SYTL3: variants seen among roughly 807,000 people sequenced by gnomAD.
SYTL3 encodes the protein synaptotagmin like 3.
A neutral mutation model predicts 82.1 loss-of-function variants in SYTL3; 88 were observed. The ratio of observed to expected loss-of-function variants is 1.07; its 90% CI spans 0.90 to 1.28. The LOEUF (loss-of-function observed/expected upper bound fraction) is 1.28, where lower values mean the gene tolerates loss of function less well. Among genes scored for constraint, SYTL3 ranks in the 50% most tolerant of loss-of-function variants. The pLI, the probability that SYTL3 is intolerant of heterozygous loss-of-function variation, is 0.00. For synonymous variants in SYTL3, 311 were observed against 289.4 expected (o/e 1.07, Z -0.76); for missense variants, 831 against 757.6 (o/e 1.10, Z -1.14).
At chr6:158,753,395 T>G (rs1788644099) in intron 13 of SYTL3, among the ~76,000 whole-genome samples, 3 of 151,988 alleles carry the variant, frequency 2.0e-5, no homozygotes, top group Admixed American at 1.3e-4. Flanking sequence ...ATTTCTTATT[T>G]TCTAAGATGC....
intron 15 of SYTL3, among the ~76,000 whole-genome samples, chr6:158,761,861 C>T (rs559616017): frequency 1.2e-4 from 19 of 152,316 alleles, no homozygotes; most frequent in African/African-American, 4.6e-4. Flanking sequence ...TCCCTCCATC[C>T]TGTCCTCCAC....
chr6:158,760,120 A>T (rs187901232), intron 14 of SYTL3, among the ~76,000 whole-genome samples: 27 of 152,122 alleles, frequency 1.8e-4, no homozygotes, highest in South Asian at 1.7e-3. Flanking sequence ...CACTCATGAC[A>T]GAAGTGCCTC....
chr6:158,728,858 T>C (rs9457455), intron 11 of SYTL3, among the ~76,000 whole-genome samples: 100,331 of 151,994 alleles, frequency 0.66, 35,059 homozygotes, highest in African/African-American at 0.88. Flanking sequence ...CTCGTCTCTA[T>C]TAAAAAAATA....
intron 6 of SYTL3, among the ~76,000 whole-genome samples, chr6:158,701,159 G>C (rs1781179695): frequency 6.7e-6 from 1 of 149,534 alleles, no homozygotes; most frequent in African/African-American, 2.5e-5. Context: ...AGGTGAGCTG[G>C]GGTGTAGATG....
At chr6:158,677,754 A>G (rs1778229982) in intron 5 of SYTL3, among the ~76,000 whole-genome samples, 1 of 151,336 alleles carries the variant, frequency 6.6e-6, no homozygotes, top group South Asian at 2.1e-4. Flanking sequence ...AAAAAAAATA[A>G]AAATCCAACT....
In SYTL3 at chr6:158,685,298, C is replaced by A. The variant is rs1317506742; in HGVS notation, c.394+2309C>A. 2.0e-5 allele frequency among the ~76,000 whole-genome samples: 3 copies of A among 151,224 alleles called. No homozygotes were observed. The East Asian group carries it at 5.9e-4, about 30-fold the overall frequency. ...GCATGATCTCAGCTCACTGTAAACT[C>A]CTCCTCCTGGGTTCAAGGGATTCTC... On this transcript the variant is annotated intron_variant, in intron 6 of 17. Coordinates refer to ENST00000611299, the MANE Select transcript of SYTL3 (RefSeq NM_001242394.2).
At chr6:158,717,971 C>T (rs539954424) in intron 9 of SYTL3, 116 bp from the exon 10 acceptor site, 41 of 987,166 alleles carry the variant, frequency 4.2e-5, no homozygotes, top group Non-Finnish European at 5.6e-5. Flanking sequence ...TGCACTTTGC[C>T]CTCTTAAGAC....
intron 6 of SYTL3, among the ~76,000 whole-genome samples, chr6:158,688,802 T>C (rs1031706835): frequency 5.3e-5 from 8 of 152,210 alleles, no homozygotes; most frequent in Non-Finnish European, 8.8e-5. Context: ...TACACACATA[T>C]ACATAGACTT....
chr6:158,711,892 CT>C (rs1176013249), intron 8 of SYTL3, among the ~76,000 whole-genome samples: 3 of 152,156 alleles, frequency 2.0e-5, no homozygotes, highest in African/African-American at 7.2e-5. Context: ...TGGATTTTAG[CT>C]GTCTTCTTTA....
At chr6:158,727,011 G>A (rs779482065) in intron 11 of SYTL3, among the ~76,000 whole-genome samples, 6 of 151,630 alleles carry the variant, frequency 4.0e-5, no homozygotes, top group African/African-American at 9.7e-5. Context: ...CACCACACCC[G>A]GCTAATTTTT....
intron 13 of SYTL3, among the ~76,000 whole-genome samples, chr6:158,755,211 C>T (rs887225425): frequency 3.9e-5 from 6 of 152,154 alleles, no homozygotes; most frequent in Non-Finnish European, 8.8e-5. Context: ...GGCATGGCGA[C>T]GCCTACCTGT....
At chr6:158,697,391 G>A (rs568042153) in intron 6 of SYTL3, among the ~76,000 whole-genome samples, 123 of 151,880 alleles carry the variant, frequency 8.1e-4, no homozygotes, top group African/African-American at 2.9e-3. Context: ...AGCCAAGATC[G>A]CGCCACTGCA....
At chr6:158,752,686 G>A (rs1469052818) in intron 13 of SYTL3, among the ~76,000 whole-genome samples, 4 of 152,204 alleles carry the variant, frequency 2.6e-5, no homozygotes, top group Non-Finnish European at 4.4e-5. Flanking sequence ...GCAGGGTGAG[G>A]GGGGTAGCCC....
chr6:158,677,755 A>G (rs1778230508), intron 5 of SYTL3, among the ~76,000 whole-genome samples: 1 of 151,438 alleles, frequency 6.6e-6, no homozygotes, highest in South Asian at 2.1e-4. Flanking sequence ...AAAAAAATAA[A>G]AATCCAACTG....
intron 4 of SYTL3, among the ~76,000 whole-genome samples, chr6:158,664,572 A>G (rs573591047): frequency 9.9e-5 from 15 of 152,258 alleles, no homozygotes; most frequent in Non-Finnish European, 2.2e-4. Context: ...GAAAACAAAA[A>G]CTATAATACA....
intron 11 of SYTL3, among the ~76,000 whole-genome samples, chr6:158,742,740 C>T: frequency 6.6e-6 from 1 of 151,898 alleles, no homozygotes; most frequent in South Asian, 2.1e-4. Context: ...GCTACCATGC[C>T]CGGCTAATTT....
chr6:158,738,785 G>A (rs1208843548), intron 11 of SYTL3, among the ~76,000 whole-genome samples: 3 of 152,218 alleles, frequency 2.0e-5, no homozygotes, highest in South Asian at 2.1e-4. Context: ...AGCCTACCAA[G>A]TAGCTGAGAT....
chr6:158,724,029 G>C (rs879804796), intron 10 of SYTL3, among the ~76,000 whole-genome samples: 1 of 152,156 alleles, frequency 6.6e-6, no homozygotes, highest in East Asian at 1.9e-4. Flanking sequence ...GCATCCTCTC[G>C]GGTGATTGCA....
intron 13 of SYTL3, among the ~76,000 whole-genome samples, chr6:158,753,228 C>T (rs192428908): frequency 6.6e-6 from 1 of 151,762 alleles, no homozygotes; most frequent in East Asian, 2.0e-4. Flanking sequence ...ATTAAAGGTA[C>T]CCACCACGAT....
Sources: gnomAD v4.1 joint callset for allele counts (sites outside exome capture counted in the v4.1 genomes callset) on GRCh38, gnomAD v4.1.1 for gene constraint, MANE v1.5 for transcripts, NCBI Gene and HGNC (gene_info 2026-07-23, HGNC 2026-07-21) for gene names.